Variants in FRMD4B observed in about 807,000 individuals in gnomAD.
FRMD4B encodes the protein FERM domain-containing protein 4B.
In FRMD4B, 74 loss-of-function variants were observed where a neutral mutation model predicts 141.5. The observed-to-expected ratio is 0.52, with a 90% CI of 0.43 to 0.63. The LOEUF is 0.63. FRMD4B is among the 30% of genes least tolerant of loss of function. The pLI is 0.00. For synonymous variants in FRMD4B, 506 were observed against 467.9 expected (o/e 1.08, Z -1.05); for missense variants, 1,366 against 1,253.4 (o/e 1.09, Z -1.36).
chr3:69,226,761 A>G (rs1247936289), intron 7 of FRMD4B, among the ~76,000 whole-genome samples: 10 of 152,214 alleles, frequency 6.6e-5, no homozygotes, highest in Admixed American at 6.5e-4. Context: ...ATATGATGGA[A>G]CTGTTTTTAA....
intron 7 of FRMD4B, among the ~76,000 whole-genome samples, chr3:69,240,541 T>C (rs992248654): frequency 6.9e-6 from 1 of 144,460 alleles, no homozygotes; most frequent in Non-Finnish European, 1.5e-5. Context: ...ATGCAGATAA[T>C]GTTTTCCTAC....
chr3:69,509,932 G>T (rs1244717123), intron 1 of FRMD4B, among the ~76,000 whole-genome samples: 1 of 150,946 alleles, frequency 6.6e-6, no homozygotes, highest in Non-Finnish European at 1.5e-5. Context: ...ACATATAAAA[G>T]TTCTGTTTAC....
At chr3:69,431,677 A>G (rs1705182368) in intron 2 of FRMD4B, among the ~76,000 whole-genome samples, 1 of 152,162 alleles carries the variant, frequency 6.6e-6, no homozygotes, top group East Asian at 1.9e-4. Flanking sequence ...AGGGAGATTA[A>G]TCATTTTGAC....
At chr3:69,293,481 C>T (rs181594141) in intron 4 of FRMD4B, among the ~76,000 whole-genome samples, 12 of 131,720 alleles carry the variant, frequency 9.1e-5, no homozygotes, top group African/African-American at 2.6e-4. Context: ...CAATGAGTGG[C>T]GGTGACTATT....
intron 1 of FRMD4B, among the ~76,000 whole-genome samples, chr3:69,508,944 G>A (rs150857615): frequency 1.8e-3 from 280 of 152,296 alleles, no homozygotes; most frequent in African/African-American, 6.6e-3. Context: ...TGTAGAGCTA[G>A]AATTCGAACC....
intron 1 of FRMD4B, among the ~76,000 whole-genome samples, chr3:69,456,767 T>A (rs922332921): frequency 4.6e-5 from 7 of 151,994 alleles, no homozygotes; most frequent in African/African-American, 1.7e-4. Flanking sequence ...GTCTGTACAT[T>A]ATTAGTGCTT....
In FRMD4B at chr3:69,232,115, C is replaced by T. The variant is rs552747278; in HGVS notation, c.582-7425G>A. On this transcript the variant is annotated intron_variant, in intron 7 of 22. Coordinates refer to ENST00000398540, the MANE Select transcript of FRMD4B (RefSeq NM_015123.3). ...GTAGGGGAGGTGAACAAGCCTCAAT[C>T]GGGATGTCTCTGCCTTTCACCAGCA... Among the ~76,000 whole-genome samples the T allele has an allele frequency of 1.1e-4, 16 of 152,268 alleles. No individual in the cohort carries two copies. The East Asian group carries it at 1.7e-3, about 17-fold the overall frequency.
At chr3:69,488,111 AAG>A (rs1302748014) in intron 1 of FRMD4B, among the ~76,000 whole-genome samples, 1 of 152,116 alleles carries the variant, frequency 6.6e-6, no homozygotes. Context: ...AGGAAGAAAA[AAG>A]AGAAAGAGAA....
In FRMD4B at chr3:69,198,736, AC is replaced by A; in HGVS notation, c.914del (p.Arg305LeufsTer44). 1 of 1,565,018 alleles carries A rather than the reference AC, an allele frequency of 6.4e-7. No individual in the cohort carries two copies. Among genetic ancestry groups the A allele is most frequent in the South Asian group, 1.2e-5 (1 of 86,110 alleles). On this transcript the variant is annotated frameshift_variant, in exon 12 of 23. Transcript: ENST00000398540. LOFTEE classifies it high-confidence loss of function. Reference sequence around the variant, plus strand: ...GAACTTCAACAGCAAATTTTTTCTCACGGAAATATAAGTTCTCCAGCTGTTT... The same window carrying A: ...GAACTTCAACAGCAAATTTTTTCTCAGGAAATATAAGTTCTCCAGCTGTTT... ...QWKQLENLYF[R>X]EKKFAVEVHD...
chr3:69,371,449 T>C (rs1703820659), intron 1 of FRMD4B, among the ~76,000 whole-genome samples: 1 of 151,948 alleles, frequency 6.6e-6, no homozygotes, highest in African/African-American at 2.4e-5. Context: ...TTTCTCAGAG[T>C]TGGGAAGTCA....
At chr3:69,225,710 AAAAAAAAAAAAAAAAAAAGAG>A (rs1433443936) in intron 7 of FRMD4B, among the ~76,000 whole-genome samples, 13 of 75,830 alleles carry the variant, frequency 1.7e-4, no homozygotes, top group South Asian at 1.7e-3. Flanking sequence ...AAAAAAAAAA[AAAAAAAAAAAAAAAAAAAGAG>A]GGAGAACACG....
At chr3:69,261,133 T>C (rs1049209381) in intron 5 of FRMD4B, among the ~76,000 whole-genome samples, 5 of 152,176 alleles carry the variant, frequency 3.3e-5, no homozygotes, top group Non-Finnish European at 7.4e-5. Flanking sequence ...TTGCAATAAA[T>C]CTTGCTGCTG....
chr3:69,539,477 T>C (rs1701134019), intron 1 of FRMD4B, among the ~76,000 whole-genome samples: 1 of 152,226 alleles, frequency 6.6e-6, no homozygotes, highest in Admixed American at 6.5e-5. Flanking sequence ...TTCACTTTTC[T>C]GCCACTAAGA....
At chr3:69,200,119 G>A (rs919954747) in intron 11 of FRMD4B, among the ~76,000 whole-genome samples, 1 of 152,078 alleles carries the variant, frequency 6.6e-6, no homozygotes, top group African/African-American at 2.4e-5. Context: ...ACCATTTCCT[G>A]ACATACGGGA....
chr3:69,256,009 ATTGC>A (rs1210139513), intron 5 of FRMD4B, among the ~76,000 whole-genome samples: 1 of 151,844 alleles, frequency 6.6e-6, no homozygotes, highest in African/African-American at 2.4e-5. Context: ...AGGTGGGAGG[ATTGC>A]TTGAGCCAAG....
At chr3:69,276,807 A>G (rs1368918780) in intron 5 of FRMD4B, among the ~76,000 whole-genome samples, 2 of 152,178 alleles carry the variant, frequency 1.3e-5, no homozygotes, top group African/African-American at 2.4e-5. Context: ...TCTACTAAAA[A>G]TACAAAAATT....
chr3:69,439,363 T>C (rs891188520), intron 1 of FRMD4B, among the ~76,000 whole-genome samples: 1 of 152,138 alleles, frequency 6.6e-6, no homozygotes, highest in African/African-American at 2.4e-5. Context: ...TGAGAGGTGT[T>C]TGGGGCACAA....
intron 1 of FRMD4B, among the ~76,000 whole-genome samples, chr3:69,452,409 G>C (rs1308404373): frequency 6.6e-6 from 1 of 152,168 alleles, no homozygotes; most frequent in Non-Finnish European, 1.5e-5. Flanking sequence ...TTACCGAGTG[G>C]GTGACCTTGA....
At chr3:69,387,721 C>G (rs540901658), upstream of FRMD4B, among the ~76,000 whole-genome samples, 1 of 152,170 alleles carries the variant, frequency 6.6e-6, no homozygotes, top group East Asian at 1.9e-4. Context: ...AGTCAAAAGA[C>G]GAAGAACACA....
Sources: allele counts gnomAD v4.1 joint callset (sites outside exome capture counted in the v4.1 genomes callset), GRCh38; gene constraint gnomAD v4.1.1; transcripts MANE v1.5; gene names NCBI Gene and HGNC (gene_info 2026-07-23, HGNC 2026-07-21).